The following TAF2 variants were observed in gnomAD, a reference collection of about 807,000 sequenced individuals.
TAF2 encodes transcription initiation factor TFIID subunit 2.
In TAF2, 61 loss-of-function variants were observed where a neutral mutation model predicts 138.5. That is an observed-to-expected ratio of 0.44 (90% CI 0.36 to 0.54). TAF2 has a LOEUF of 0.54. Among genes scored for constraint, TAF2 ranks in the 20% least tolerant of loss-of-function variants. TAF2 has a pLI of 0.00. For synonymous variants in TAF2, 475 were observed against 469.9 expected, an observed-to-expected ratio of 1.01 and a Z score of -0.14; for missense variants, 1,090 against 1,427.9, an observed-to-expected ratio of 0.76 and a Z score of 3.81.
At chr8:119,757,869 C>A (rs1820804126) in intron 21 of TAF2, among the ~76,000 whole-genome samples, 1 of 151,788 alleles carries the variant, frequency 6.6e-6, no homozygotes, top group South Asian at 2.1e-4. Flanking sequence ...GCACTCCAGC[C>A]TGGGCCACAG....
intron 20 of TAF2, among the ~76,000 whole-genome samples, chr8:119,759,472 C>A (rs1369880094): frequency 1.3e-5 from 2 of 152,058 alleles, no homozygotes; most frequent in Non-Finnish European, 2.9e-5. Context: ...GTTTAGCATA[C>A]TTTTAAGTTT....
In TAF2 at chr8:119,791,597, C is replaced by T. The variant is rs1309011011; in HGVS notation, c.1278-138G>A. The T allele has an allele frequency of 4.2e-6, 4 of 942,332 alleles. No homozygotes were observed. In the African/African-American group the frequency reaches 6.7e-5, roughly 16 times the overall value. 58.4% of individuals were successfully genotyped at this position (942,332 alleles called of 1,614,324 possible). ...CAATTTCCTTAGTACTAATAAACAT[C>T]TAAAAATAAACTTAACTAGAAGAAA... On this transcript the variant is annotated intron_variant, in intron 10 of 25. Transcript: ENST00000378164.
intron 25 of TAF2, among the ~76,000 whole-genome samples, chr8:119,737,563 C>T (rs1819307304): frequency 6.8e-6 from 1 of 147,290 alleles, no homozygotes; most frequent in Admixed American, 7.0e-5. Context: ...GGCTGGAGTA[C>T]AGTGGCATGA....
At chr8:119,808,834 A>C (rs1824846345) in intron 3 of TAF2, among the ~76,000 whole-genome samples, 1 of 152,246 alleles carries the variant, frequency 6.6e-6, no homozygotes, top group Non-Finnish European at 1.5e-5. Context: ...AGTGGGCTTA[A>C]AATATTCAAT....
chr8:119,785,205 T>C lies in TAF2; in HGVS notation c.1855A>G (p.Met619Val). ...TATTTAAGTTAACTAACTTACTCCA[T>C]TGCAGAAAGATCCATATCAACTTCT... is the stretch of plus-strand genomic sequence containing the variant. The part of the protein sequence containing the change: ...GEEVDMDLSA[M>V]DADSPLLWIR... Residue 619 changes from methionine to valine, a missense_variant, in exon 15 of 26, where the codon ATG becomes GTG. Met to Val is a conservative substitution (Grantham distance 21). This residue lies in a region of TAF2 where 580 missense variants were observed against 719.6 expected (regional missense o/e 0.81). Transcript: ENST00000378164. 1 of 1,612,064 alleles carries C rather than the reference T, an allele frequency of 6.2e-7. No individual in the cohort carries two copies. The highest frequency in any genetic ancestry group is 8.5e-7 in the Non-Finnish European group (1 of 1,178,414).
intron 2 of TAF2, among the ~76,000 whole-genome samples, chr8:119,827,472 A>G (rs188832706): frequency 1.3e-5 from 2 of 152,140 alleles, no homozygotes; most frequent in South Asian, 2.1e-4. Context: ...CTTTCCTCTC[A>G]AACCTGCTGC....
chr8:119,813,763 T>A (rs1825257419), intron 3 of TAF2, among the ~76,000 whole-genome samples: 2 of 152,212 alleles, frequency 1.3e-5, no homozygotes, highest in Non-Finnish European at 2.9e-5. Context: ...CAAAATGAAC[T>A]GTAGCTCAAT....
At chr8:119,767,747 G>T (rs908931065) in intron 18 of TAF2, among the ~76,000 whole-genome samples, 1 of 152,238 alleles carries the variant, frequency 6.6e-6, no homozygotes, top group Non-Finnish European at 1.5e-5. Context: ...GTCTGCTTCA[G>T]CTACTGTTTG....
intron 2 of TAF2, among the ~76,000 whole-genome samples, chr8:119,823,056 CTGTT>C (rs1825886860): frequency 6.6e-6 from 1 of 152,142 alleles, no homozygotes; most frequent in South Asian, 2.1e-4. Context: ...AGAAATATCA[CTGTT>C]TTTCTCTCTC....
At chr8:119,782,570 G>C (rs551359066) in intron 16 of TAF2, among the ~76,000 whole-genome samples, 41 of 152,204 alleles carry the variant, frequency 2.7e-4, no homozygotes, top group African/African-American at 9.9e-4. Flanking sequence ...ATTTAACAGT[G>C]AGGAAGGCAA....
chr8:119,829,223 T>C (rs1370954457), intron 2 of TAF2, among the ~76,000 whole-genome samples: 1 of 152,172 alleles, frequency 6.6e-6, no homozygotes, highest in Non-Finnish European at 1.5e-5. Context: ...GGTCCAACAG[T>C]TTCCACAAAA....
intron 3 of TAF2, among the ~76,000 whole-genome samples, chr8:119,818,515 CA>C (rs1488489339): frequency 6.6e-6 from 1 of 151,966 alleles, no homozygotes; most frequent in African/African-American, 2.4e-5. Context: ...AAGTAGTAGA[CA>C]TTTAAACACT....
Position 119,756,065 on chromosome 8 carries a change from A to C in TAF2, c.2819T>G (p.Met940Arg). ...LTKNPPFTKN[M>R]ESPLCNEALV... ...GGCTTCATTGCATAAGGGAGACTCC[A>C]TGTTCTTAGTAAATGGTGGGTTCTT... The change falls in exon 22 of 26, where the codon ATG becomes AGG. Residue 940 changes from methionine (M) to arginine (R), a missense_variant. Met to Arg is a moderately conservative substitution (Grantham distance 91, BLOSUM62 -1). Transcript: ENST00000378164. 2 of 1,613,754 alleles carry C rather than the reference A, an allele frequency of 1.2e-6. No individual in the cohort carries two copies. Among genetic ancestry groups the C allele is most frequent in the Non-Finnish European group, 1.7e-6 (2 of 1,179,836 alleles).
At chr8:119,824,976 G>A (rs1403962474) in intron 2 of TAF2, among the ~76,000 whole-genome samples, 1 of 152,242 alleles carries the variant, frequency 6.6e-6, no homozygotes, top group East Asian at 1.9e-4. Flanking sequence ...GGTCCCTACT[G>A]AGGCACCACC....
At chr8:119,787,261 C>T (rs917835022) in intron 14 of TAF2, among the ~76,000 whole-genome samples, 8 of 152,048 alleles carry the variant, frequency 5.3e-5, no homozygotes, top group African/African-American at 1.9e-4. Context: ...TGCTAAATGA[C>T]GTGTTAATGG....
chr8:119,775,240 C>T (rs992078410), intron 18 of TAF2, among the ~76,000 whole-genome samples: 5 of 141,724 alleles, frequency 3.5e-5, no homozygotes, highest in Middle Eastern at 4.3e-3. Context: ...GGAATTGTGC[C>T]ACTGCACTCC....
intron 2 of TAF2, among the ~76,000 whole-genome samples, chr8:119,827,251 T>A (rs1035071935): frequency 2.6e-5 from 4 of 152,168 alleles, no homozygotes; most frequent in African/African-American, 9.7e-5. Flanking sequence ...AAATATCATG[T>A]TCTTCAGATA....
At chr8:119,732,661 G>T (rs545144505) in intron 25 of TAF2, among the ~76,000 whole-genome samples, 2 of 151,864 alleles carry the variant, frequency 1.3e-5, no homozygotes, top group Admixed American at 1.3e-4. Context: ...AAAATTAGCC[G>T]GGCATGGTGG....
At chr8:119,811,247 A>G (rs944382349) in intron 3 of TAF2, among the ~76,000 whole-genome samples, 1 of 151,576 alleles carries the variant, frequency 6.6e-6, no homozygotes, top group Non-Finnish European at 1.5e-5. Context: ...TCCATATTGA[A>G]TTAATATGAT....
Sources: gnomAD v4.1 joint callset for allele counts (sites outside exome capture counted in the v4.1 genomes callset) on GRCh38, gnomAD v4.1.1 for gene constraint, gnomAD v4.1.1 regional missense constraint, MANE v1.5 for transcripts, NCBI Gene and HGNC (gene_info 2026-07-23, HGNC 2026-07-21) for gene names.